The following ALG14 variants were observed in gnomAD, a reference collection of about 807,000 sequenced individuals.
ALG14 encodes the protein ALG14 UDP-N-acetylglucosaminyltransferase subunit.
In ALG14, 17 loss-of-function variants were observed where a neutral mutation model predicts 22.8. The observed-to-expected ratio is 0.75, with a 90% confidence interval of 0.51 to 1.12. The LOEUF is 1.12. Ranked by LOEUF, ALG14 falls within the 50% of genes most tolerant of loss-of-function variation. ALG14 has a pLI of 0.00. For missense variants in ALG14, 288 were observed against 271.8 expected (o/e 1.06, Z -0.42); for synonymous variants, 89 against 103.7 (o/e 0.86, Z 0.86).
At chr1:95,015,352 TA>T (rs767897486) in intron 3 of ALG14, among the ~76,000 whole-genome samples, 4 of 152,120 alleles carry the variant, frequency 2.6e-5, no homozygotes, top group Non-Finnish European at 5.9e-5. Flanking sequence ...TCCACAGGGA[TA>T]ATAAAGCCAG....
Position 94,975,312 on chromosome 1 carries a change from AGC to A in ALG14, c.*7762_*7763del, listed in dbSNP as rs1672373521. 6.6e-6 allele frequency: 1 copy of A among 152,232 alleles called. No individual in the cohort carries two copies. The highest frequency in any genetic ancestry group is 1.5e-5 in the Non-Finnish European group (1 of 68,044). 9.4% of individuals were successfully genotyped at this position (152,232 alleles called of 1,614,324 possible). ...TGTTTACAAGGTTCATCCACACTGT[AGC>A]ATGTATTAGTACTTCATTCCTTTGT... On this transcript the variant is annotated 3_prime_UTR_variant, in exon 4 of 4. Transcript: ENST00000370205.
intron 3 of ALG14, among the ~76,000 whole-genome samples, chr1:95,024,928 C>T (rs1431437676): frequency 6.6e-6 from 1 of 152,136 alleles, no homozygotes; most frequent in African/African-American, 2.4e-5. Context: ...GACATCTTCC[C>T]ATAAATCAAG....
chr1:95,015,559 C>T (rs1354824241), intron 3 of ALG14, among the ~76,000 whole-genome samples: 1 of 152,128 alleles, frequency 6.6e-6, no homozygotes, highest in Non-Finnish European at 1.5e-5. Flanking sequence ...AATGAGGAAC[C>T]AAACTGGGGA....
chr1:95,015,685 A>G (rs1673478928), intron 3 of ALG14, among the ~76,000 whole-genome samples: 1 of 152,174 alleles, frequency 6.6e-6, no homozygotes, highest in Admixed American at 6.5e-5. Flanking sequence ...TCATTAGTAA[A>G]TCCTGACACA....
chr1:95,044,798 A>C (rs1349523415), intron 2 of ALG14, among the ~76,000 whole-genome samples: 2 of 152,196 alleles, frequency 1.3e-5, no homozygotes, highest in South Asian at 2.1e-4. Flanking sequence ...TTTTTTGTTC[A>C]CTTGTGTATC....
intron 3 of ALG14, among the ~76,000 whole-genome samples, chr1:95,025,244 T>A (rs540541918): frequency 1.3e-5 from 2 of 152,290 alleles, no homozygotes; most frequent in South Asian, 4.1e-4. Context: ...GCCCAATATA[T>A]CAAGAGCAGT....
chr1:95,043,643 T>C (rs986723779), intron 2 of ALG14, among the ~76,000 whole-genome samples: 1 of 151,730 alleles, frequency 6.6e-6, no homozygotes, highest in African/African-American at 2.4e-5. Context: ...GGAAAGAAAA[T>C]ATAAGTCCTT....
chr1:94,983,313 G>A lies in ALG14; in HGVS notation c.421-7C>T. The stretch of plus-strand genomic sequence containing the variant: ...CTGGTCCGTTACACAACACCTGAAA[G>A]AAAAAGTTGAAGGTCAAATGAAAAT... On this transcript the variant is annotated splice_polypyrimidine_tract_variant and splice_region_variant and intron_variant, in intron 3 of 3. Transcript: ENST00000370205. 6.2e-7 allele frequency: 1 copy of A among 1,609,400 alleles called. No homozygotes were observed. The highest frequency in any genetic ancestry group is 1.7e-5 in the Admixed American group (1 of 59,574).
At chr1:95,043,412 C>T (rs989090843) in intron 2 of ALG14, among the ~76,000 whole-genome samples, 6 of 152,268 alleles carry the variant, frequency 3.9e-5, no homozygotes, top group Admixed American at 1.3e-4. Flanking sequence ...CTGTAACACA[C>T]AGGACATTCC....
chr1:95,015,075 T>C (rs1251622967), intron 3 of ALG14, among the ~76,000 whole-genome samples: 2 of 151,970 alleles, frequency 1.3e-5, no homozygotes, highest in African/African-American at 2.4e-5. Context: ...ACACACCTGA[T>C]AGTGGGTTGG....
chr1:94,999,198 T>C lies in ALG14; in HGVS notation c.421-15892A>G, dbSNP rs1468522021. ...GAGAGAGCTTGTCCCAGAGGTCAAA[T>C]TCCCTCCATTCAGGCAATTTAAGGC... On this transcript the variant is annotated intron_variant, in intron 3 of 3. Coordinates refer to ENST00000370205, the MANE Select transcript of ALG14 (RefSeq NM_144988.4). 2.0e-5 allele frequency among the ~76,000 whole-genome samples: 3 copies of C among 151,522 alleles called. No individual in the cohort carries two copies. The East Asian group carries it at 5.8e-4, about 29-fold the overall frequency.
At chr1:94,989,790 T>C (rs74101955) in intron 3 of ALG14, among the ~76,000 whole-genome samples, 8,208 of 152,312 alleles carry the variant, frequency 0.054, 329 homozygotes, top group African/African-American at 0.11. Flanking sequence ...GAGTTCTCAA[T>C]AGCCTTCACT....
At chr1:95,030,567 G>T (rs1003558057) in intron 2 of ALG14, among the ~76,000 whole-genome samples, 1 of 152,020 alleles carries the variant, frequency 6.6e-6, no homozygotes, top group Non-Finnish European at 1.5e-5. Context: ...TTTTGTTAAG[G>T]CTGTGAGCAT....
At chr1:95,042,710 A>C (rs1166555719) in intron 2 of ALG14, among the ~76,000 whole-genome samples, 1 of 152,192 alleles carries the variant, frequency 6.6e-6, no homozygotes, top group African/African-American at 2.4e-5. Flanking sequence ...GGAAGTTTTT[A>C]GTATCTTCTC....
chr1:95,029,496 AG>A (rs1673931136), intron 2 of ALG14, among the ~76,000 whole-genome samples: 1 of 152,206 alleles, frequency 6.6e-6, no homozygotes. Context: ...AGAATCATTG[AG>A]GGCTTTCTTG....
At chr1:95,035,363 T>C (rs1483740250) in intron 2 of ALG14, among the ~76,000 whole-genome samples, 1 of 152,152 alleles carries the variant, frequency 6.6e-6, no homozygotes. Flanking sequence ...AAAACATATT[T>C]TAGTGAAACA....
In ALG14 at chr1:94,982,782, AT is replaced by A. The variant is rs1672529405; in HGVS notation, c.*293del. ...CTCTATATTTAGTTCTGTAAAAAAA[AT>A]ACTACTAAAACAGCCAGAAGAAAAT... On this transcript the variant is annotated 3_prime_UTR_variant, in exon 4 of 4. Coordinates refer to ENST00000370205, the MANE Select transcript of ALG14 (RefSeq NM_144988.4). The A allele has an allele frequency of 3.6e-6, 1 of 274,066 alleles. No homozygotes were observed. The highest frequency in any genetic ancestry group is 6.8e-6 in the Non-Finnish European group (1 of 146,088). 17.0% of individuals were successfully genotyped at this position (274,066 alleles called of 1,614,324 possible). A position where few individuals can be genotyped will look rare whatever the true frequency, so the allele number is the denominator to read the frequency against.
Position 94,983,006 on chromosome 1 carries a change from T to G in ALG14, c.*70A>C, listed in dbSNP as rs949825162. Reference sequence around the variant, plus strand: ...ACGCCTTTACAAGAAACATGTAGGGTTTTTTTCCCCCCAATTTGAGTACAT... The same window carrying G: ...ACGCCTTTACAAGAAACATGTAGGGGTTTTTTCCCCCCAATTTGAGTACAT... On this transcript the variant is annotated 3_prime_UTR_variant, in exon 4 of 4. Coordinates refer to ENST00000370205, the MANE Select transcript of ALG14 (RefSeq NM_144988.4). 1.7e-5 allele frequency: 23 copies of G among 1,335,330 alleles called. No individual in the cohort carries two copies. Among genetic ancestry groups the G allele is most frequent in the Admixed American group, 7.2e-5 (4 of 55,932 alleles). 82.7% of individuals were successfully genotyped at this position (1,335,330 alleles called of 1,614,324 possible).
intron 3 of ALG14, among the ~76,000 whole-genome samples, chr1:95,012,776 C>G (rs1673402755): frequency 6.6e-6 from 1 of 152,156 alleles, no homozygotes; most frequent in Non-Finnish European, 1.5e-5. Flanking sequence ...AAACTGATAT[C>G]ACAGGAAAAG....
Sources: gnomAD v4.1 joint callset for allele counts (sites outside exome capture counted in the v4.1 genomes callset) on GRCh38, gnomAD v4.1.1 for gene constraint, MANE v1.5 for transcripts, NCBI Gene and HGNC (gene_info 2026-07-23, HGNC 2026-07-21) for gene names.